Variants in H6PD observed in about 807,000 individuals in gnomAD.
H6PD encodes hexose-6-phosphate dehydrogenase/glucose 1-dehydrogenase, also known as GDH/6PGL endoplasmic bifunctional protein.
Under a neutral mutation model 61.2 loss-of-function variants are expected in H6PD, and 48 were observed. The ratio of observed to expected loss-of-function variants is 0.78; its 90% CI spans 0.62 to 1.00. H6PD has a LOEUF of 1.00. Ranked by LOEUF, H6PD falls within the 50% of genes least tolerant of loss-of-function variation. The pLI is 0.00. For synonymous variants in H6PD, 480 were observed against 457.9 expected (o/e 1.05, Z -0.62); for missense variants, 1,093 against 1,065.0 (o/e 1.03, Z -0.37).
chr1:9,255,860 C>T (rs1262007806), intron 3 of H6PD, among the ~76,000 whole-genome samples: 2 of 152,206 alleles, frequency 1.3e-5, no homozygotes, highest in Admixed American at 6.5e-5. Context: ...GAAGCTCAGC[C>T]GGCTTCTTCA....
rs9435163 is a variant in H6PD at position 9,271,218 on chromosome 1, G to T, written c.*6349G>T. 35,029 of 152,122 alleles carry T rather than the reference G, an allele frequency of 0.23. 4,700 individuals carry two copies. The highest frequency in any genetic ancestry group is 0.37 in the African/African-American group (15,195 of 41,474). The allele number at this position is 152,122 out of a possible 1,614,324, so 9.4% of individuals were successfully genotyped here. On this transcript the variant is annotated 3_prime_UTR_variant, in exon 5 of 5. Transcript: ENST00000377403. ...CAAAGTGCTGGGATTACAGGCGGGA[G>T]CCACCATGCCTGGCCAGAACAAATG...
At chr1:9,249,397 T>G (rs903186811) in intron 3 of H6PD, among the ~76,000 whole-genome samples, 4 of 152,180 alleles carry the variant, frequency 2.6e-5, no homozygotes, top group African/African-American at 9.7e-5. Context: ...CAGGTCTGTT[T>G]GCCGGGACAG....
rs1342460705 is a variant in H6PD at position 9,269,205 on chromosome 1, A to G, written c.*4336A>G. On this transcript the variant is annotated 3_prime_UTR_variant, in exon 5 of 5. Transcript: ENST00000377403. This position sits in a 1 kb window ranked among gnomAD's most constrained non-coding sequence, Gnocchi z 4.3. ...TGAAGATCTGCGGTCTCCAGACATC[A>G]TAGGCCATGTGACCCACTAGGGGCC... 2 of 152,236 alleles carry G rather than the reference A, an allele frequency of 1.3e-5. No homozygotes were observed. Among genetic ancestry groups the G allele is most frequent in the Non-Finnish European group, 2.9e-5 (2 of 68,060 alleles). The allele number at this position is 152,236 out of a possible 1,614,324, so 9.4% of individuals were successfully genotyped here. A position where few individuals can be genotyped will look rare whatever the true frequency, so the allele number is the denominator to read the frequency against.
At position 9,270,741 on chromosome 1, in the gene H6PD, G is replaced by C. The variant is rs1030887384; in HGVS notation, c.*5872G>C. 2 of 152,358 alleles carry C rather than the reference G, an allele frequency of 1.3e-5. No individual in the cohort carries two copies. Among genetic ancestry groups the C allele is most frequent in the African/African-American group, 4.8e-5 (2 of 41,458 alleles). 9.4% of individuals were successfully genotyped at this position (152,358 alleles called of 1,614,324 possible). On this transcript the variant is annotated 3_prime_UTR_variant, in exon 5 of 5. Transcript: ENST00000377403. ...TGTTTCTGTGCTCTGCCCCGCGCTAGGGACTCAGGGTCTGGGCTTCTGCCA... is the reference window on the plus strand; with the variant it reads ...TGTTTCTGTGCTCTGCCCCGCGCTACGGACTCAGGGTCTGGGCTTCTGCCA...
chr1:9,250,670 G>A (rs555134058), intron 3 of H6PD, among the ~76,000 whole-genome samples: 71 of 152,306 alleles, frequency 4.7e-4, no homozygotes, highest in Admixed American at 7.8e-4. Flanking sequence ...TGGCACCTGC[G>A]TAACCGAAGC....
chr1:9,264,300 G>A lies in H6PD; in HGVS notation c.1807G>A (p.Ala603Thr), dbSNP rs1461462437. 6.2e-7 allele frequency: 1 copy of A among 1,611,094 alleles called. No homozygotes were observed. Among genetic ancestry groups the A allele is most frequent in the Non-Finnish European group, 8.5e-7 (1 of 1,179,688 alleles). Residue 603 changes from alanine (A) to threonine (T), a missense_variant, in exon 5 of 5, where the codon GCC becomes ACC. By Grantham distance (58) the Ala-to-Thr change is moderately conservative. Coordinates refer to ENST00000377403, the MANE Select transcript of H6PD (RefSeq NM_004285.4). The stretch of plus-strand genomic sequence containing the variant: ...CCCCGTGGCCCTGTTCCAGCAGCTG[G>A]CCACGGCGCACTATGGCTTCCCCTG... ...SSPVALFQQL[A>T]TAHYGFPWAH...
intron 3 of H6PD, among the ~76,000 whole-genome samples, chr1:9,255,114 C>T (rs1641475791): frequency 6.6e-6 from 1 of 152,126 alleles, no homozygotes; most frequent in African/African-American, 2.4e-5. Context: ...TGGGTTGCCT[C>T]TACTTTTTGG....
In H6PD at chr1:9,270,785, T is replaced by G. The variant is rs886935802; in HGVS notation, c.*5916T>G. ...TCTGCCAGGTGAGGAGCAGAGAGAC[T>G]GTTCCCTTGGGTGGAGAGGTGTGGG... is the stretch of plus-strand genomic sequence containing the variant. On this transcript the variant is annotated 3_prime_UTR_variant, in exon 5 of 5. Transcript: ENST00000377403. 1 of 152,284 alleles carries G rather than the reference T, an allele frequency of 6.6e-6. No homozygotes were observed. The highest frequency in any genetic ancestry group is 1.5e-5 in the Non-Finnish European group (1 of 68,086). 9.4% of individuals were successfully genotyped at this position (152,284 alleles called of 1,614,324 possible).
In H6PD at chr1:9,247,048, T is replaced by C. The variant is rs1259272775; in HGVS notation, c.710T>C (p.Val237Ala). 5 of 1,612,180 alleles carry C rather than the reference T, an allele frequency of 3.1e-6. No individual in the cohort carries two copies. Among genetic ancestry groups the C allele is most frequent in the Non-Finnish European group, 4.2e-6 (5 of 1,178,972 alleles). Residue 237 changes from valine (V) to alanine (A), a missense_variant, in exon 3 of 5, where the codon GTG (valine) becomes GCG (alanine). Physicochemically the swap from Val to Ala is moderately conservative, Grantham distance 64 (BLOSUM62 0). Coordinates refer to ENST00000377403, the MANE Select transcript of H6PD (RefSeq NM_004285.4). ...GLWNRHHVER[V>A]EIIMKETVDA... is the part of the protein sequence containing the mutation. Reference sequence around the variant, plus strand: ...TGGAACCGGCACCATGTGGAGCGGGTGGAGATCATCATGAAAGAGACCGTG... The same window carrying C: ...TGGAACCGGCACCATGTGGAGCGGGCGGAGATCATCATGAAAGAGACCGTG...
At position 9,256,598 on chromosome 1, in the gene H6PD, T is replaced by C. The variant is rs1641526426; in HGVS notation, c.746-5461T>C. Among the ~76,000 whole-genome samples the C allele has an allele frequency of 1.3e-5, 2 of 152,074 alleles. 1 individual carries two copies. The highest frequency in any genetic ancestry group is 4.2e-4 in the South Asian group (2 of 4,816). ...CAGGACTGGCGCCATGGACCCAGAG[T>C]GGCTGCTGGGAGGGGAGCATGCTGG... On this transcript the variant is annotated intron_variant, in intron 3 of 4. Coordinates refer to ENST00000377403, the MANE Select transcript of H6PD (RefSeq NM_004285.4).
At chr1:9,253,288 G>A (rs943334692) in intron 3 of H6PD, among the ~76,000 whole-genome samples, 4 of 152,196 alleles carry the variant, frequency 2.6e-5, no homozygotes, top group African/African-American at 7.2e-5. Flanking sequence ...TAGTAAACCC[G>A]TGGAATGCAT....
chr1:9,246,571 T>C (rs1490807933), intron 2 of H6PD, among the ~76,000 whole-genome samples: 8 of 152,128 alleles, frequency 5.3e-5, no homozygotes, highest in Non-Finnish European at 1.2e-4. Flanking sequence ...GATTCCTAAA[T>C]AGGGGTCCTC....
Position 9,264,907 on chromosome 1 carries a change from T to C in H6PD, c.*38T>C. 6.2e-7 allele frequency: 1 copy of C among 1,605,842 alleles called. No homozygotes were observed. The highest frequency in any genetic ancestry group is 8.5e-7 in the Non-Finnish European group (1 of 1,178,930). On this transcript the variant is annotated 3_prime_UTR_variant, in exon 5 of 5. Transcript: ENST00000377403. ...CCCTTGCCCGCTTCGCTCCTGTGCT[T>C]TCCTTCGCCCGTGTCTTCCCTCCCT...
intron 3 of H6PD, among the ~76,000 whole-genome samples, chr1:9,247,383 G>C (rs111680329): frequency 1.3e-5 from 2 of 152,276 alleles, no homozygotes; most frequent in Admixed American, 1.3e-4. Context: ...TTTTGAGTGC[G>C]TGGAGACCAT....
At position 9,267,804 on chromosome 1, in the gene H6PD, T is replaced by A. The variant is rs1282336973; in HGVS notation, c.*2935T>A. 2.0e-5 allele frequency: 3 copies of A among 152,236 alleles called. No individual in the cohort carries two copies. The highest frequency in any genetic ancestry group is 4.8e-5 in the African/African-American group (2 of 41,456). The allele number at this position is 152,236 out of a possible 1,614,324, so 9.4% of individuals were successfully genotyped here. A position where few individuals can be genotyped will look rare whatever the true frequency, so the allele number is the denominator to read the frequency against. ...GTGGCTTTCAAACTTCAGACCATGATCTGCAGCAAGAAACGTGCCTTCCAT... is the reference window on the plus strand; with the variant it reads ...GTGGCTTTCAAACTTCAGACCATGAACTGCAGCAAGAAACGTGCCTTCCAT... On this transcript the variant is annotated 3_prime_UTR_variant, in exon 5 of 5. Transcript: ENST00000377403.
Position 9,267,287 on chromosome 1 carries a change from G to A in H6PD, c.*2418G>A, listed in dbSNP as rs555406533. The A allele has an allele frequency of 2.0e-5, 3 of 152,194 alleles. No individual in the cohort carries two copies. The highest frequency in any genetic ancestry group is 4.4e-5 in the Non-Finnish European group (3 of 68,142). The allele number at this position is 152,194 out of a possible 1,614,324, so 9.4% of individuals were successfully genotyped here. On this transcript the variant is annotated 3_prime_UTR_variant, in exon 5 of 5. Transcript: ENST00000377403. ...GTGGAAGTTCCACAGCTGGCCGCGTGGGGGGGCCCTTGCACCGCACTGCCG... is the reference window on the plus strand; with the variant it reads ...GTGGAAGTTCCACAGCTGGCCGCGTAGGGGGGCCCTTGCACCGCACTGCCG...
intron 3 of H6PD, among the ~76,000 whole-genome samples, chr1:9,257,356 C>T (rs983181623): frequency 6.6e-6 from 1 of 152,044 alleles, no homozygotes; most frequent in Non-Finnish European, 1.5e-5. Context: ...TCTTGAACTC[C>T]TGGACTCTGG....
In H6PD at chr1:9,245,025, C is replaced by T. The variant is rs944435283; in HGVS notation, c.91C>T (p.Leu31=). 1 of 1,614,208 alleles carries T rather than the reference C, an allele frequency of 6.2e-7. No homozygotes were observed. Among genetic ancestry groups the T allele is most frequent in the Admixed American group, 1.7e-5 (1 of 60,038 alleles). ...ELQGHVSIIL[L]GATGDLAKKY... ...CCAGGGACATGTCTCCATAATCCTG[C>T]TGGGAGCAACTGGGGACCTGGCTAA... The change falls in exon 2 of 5, where the codon CTG becomes TTG. Residue 31 remains leucine (L), a synonymous_variant. Transcript: ENST00000377403. The surrounding 1 kb of genome is among the most constrained non-coding windows in gnomAD (Gnocchi z 4.8).
Position 9,264,181 on chromosome 1 carries a change from T to C in H6PD, c.1688T>C (p.Leu563Pro). ...SPLVSAWSEE[L>P]ISKLANDIEA... ...CTGGTCTCCGCCTGGTCCGAGGAGC[T>C]GATCTCTAAGCTGGCTAATGACATC... Residue 563 changes from leucine to proline, a missense_variant, in exon 5 of 5, where the codon CTG (leucine) becomes CCG (proline). Leu to Pro is a moderately conservative substitution (Grantham distance 98, BLOSUM62 -3). Coordinates refer to ENST00000377403, the MANE Select transcript of H6PD (RefSeq NM_004285.4). 3 of 1,612,034 alleles carry C rather than the reference T, an allele frequency of 1.9e-6. No homozygotes were observed. The highest frequency in any genetic ancestry group is 1.3e-5 in the African/African-American group (1 of 75,004).
Sources: allele counts gnomAD v4.1 joint callset (sites outside exome capture counted in the v4.1 genomes callset), GRCh38; gene constraint gnomAD v4.1.1; non-coding constraint Gnocchi (gnomAD v3.1); transcripts MANE v1.5; gene names NCBI Gene and HGNC (gene_info 2026-07-23, HGNC 2026-07-21).